The following AUTS2 variants were observed in gnomAD, a reference collection of about 807,000 sequenced individuals.
The protein encoded by AUTS2 is activator of transcription and developmental regulator AUTS2.
AUTS2 carries 17 observed loss-of-function variants against 112.4 expected under a neutral mutation model. The ratio of observed to expected loss-of-function variants is 0.15; its 90% confidence interval spans 0.10 to 0.23. The LOEUF (loss-of-function observed/expected upper bound fraction) is 0.23, where lower values mean the gene tolerates loss of function less well. Among genes scored for constraint, AUTS2 ranks in the 10% least tolerant of loss-of-function variants. AUTS2 has a pLI of 1.00. For missense variants in AUTS2, 1,510 were observed against 1,701.6 expected, an observed-to-expected ratio of 0.89 and a Z score of 1.98; for synonymous variants, 751 against 702.7, an observed-to-expected ratio of 1.07 and a Z score of -1.09.
chr7:70,589,046 C>A (rs368986778), intron 5 of AUTS2, among the ~76,000 whole-genome samples: 2 of 152,170 alleles, frequency 1.3e-5, no homozygotes, highest in Non-Finnish European at 2.9e-5. Flanking sequence ...TTGTTGGATA[C>A]CCCATGGTTT....
chr7:70,601,927 G>C (rs925514995), intron 5 of AUTS2, among the ~76,000 whole-genome samples: 5 of 152,144 alleles, frequency 3.3e-5, no homozygotes, highest in Admixed American at 6.5e-5. Flanking sequence ...TGAAGAGTGT[G>C]ATTTATTCTA....
At chr7:69,743,028 C>A (rs977038372) in intron 1 of AUTS2, among the ~76,000 whole-genome samples, 3 of 152,166 alleles carry the variant, frequency 2.0e-5, no homozygotes, top group Admixed American at 2.0e-4. Flanking sequence ...GTGGCTCTTG[C>A]TTGGAGGCAA....
intron 4 of AUTS2, among the ~76,000 whole-genome samples, chr7:70,203,724 TTTAA>T (rs1413766889): frequency 6.8e-6 from 1 of 146,950 alleles, no homozygotes; most frequent in Non-Finnish European, 1.5e-5. Flanking sequence ...CCTCACTAGT[TTTAA>T]TGATTGATAT....
intron 4 of AUTS2, among the ~76,000 whole-genome samples, chr7:70,251,937 T>A (rs1786622287): frequency 6.6e-6 from 1 of 152,168 alleles, no homozygotes; most frequent in Non-Finnish European, 1.5e-5. Flanking sequence ...TTGTTTTTTC[T>A]CTCTCGGATA....
chr7:69,657,003 C>CAGCCTTTCTGG (rs1795569827), intron 1 of AUTS2, among the ~76,000 whole-genome samples: 2 of 152,114 alleles, frequency 1.3e-5, no homozygotes, highest in South Asian at 4.1e-4. Flanking sequence ...ATGAGTCGTG[C>CAGCCTTTCTGG]AGCCTTTCTG....
intron 4 of AUTS2, among the ~76,000 whole-genome samples, chr7:70,381,746 T>G (rs1002068074): frequency 2.0e-5 from 3 of 152,148 alleles, no homozygotes; most frequent in Non-Finnish European, 4.4e-5. Context: ...AGCTTAAAGC[T>G]CCTTCTCCTT....
chr7:69,889,843 A>G (rs1447919691), intron 1 of AUTS2, among the ~76,000 whole-genome samples: 1 of 152,050 alleles, frequency 6.6e-6, no homozygotes, highest in African/African-American at 2.4e-5. Flanking sequence ...AGGCCTGAGA[A>G]TTGTGTGGTG....
chr7:70,457,709 A>G (rs933222836), intron 5 of AUTS2, among the ~76,000 whole-genome samples: 3 of 152,182 alleles, frequency 2.0e-5, no homozygotes, highest in African/African-American at 7.2e-5. Flanking sequence ...AGTCTGCTCA[A>G]TAGGGATGTG....
chr7:70,772,168 G>A (rs374668597), intron 11 of AUTS2, among the ~76,000 whole-genome samples: 105 of 152,210 alleles, frequency 6.9e-4, no homozygotes, highest in African/African-American at 2.0e-3. Flanking sequence ...TGGGGTGGTC[G>A]CCTCCCATTT....
At chr7:70,047,757 T>C (rs1380331277) in intron 2 of AUTS2, among the ~76,000 whole-genome samples, 2 of 152,086 alleles carry the variant, frequency 1.3e-5, no homozygotes, top group Non-Finnish European at 2.9e-5. Flanking sequence ...AAAGAGTGTG[T>C]GCTAGGTGAA....
intron 5 of AUTS2, among the ~76,000 whole-genome samples, chr7:70,660,628 G>A (rs565292137): frequency 5.3e-5 from 8 of 152,306 alleles, no homozygotes; most frequent in African/African-American, 1.2e-4. Context: ...AACCACCACC[G>A]TGGCAGAGCA....
intron 4 of AUTS2, among the ~76,000 whole-genome samples, chr7:70,159,801 G>T: frequency 6.6e-6 from 1 of 152,074 alleles, no homozygotes; most frequent in East Asian, 1.9e-4. Context: ...TCTTCATTAA[G>T]CATCACTAAT....
At chr7:70,640,421 G>GA (rs57911940) in intron 5 of AUTS2, among the ~76,000 whole-genome samples, 25,874 of 93,606 alleles carry the variant, frequency 0.28, 3,615 homozygotes, top group Middle Eastern at 0.32. Flanking sequence ...CTCACAGGGG[G>GA]AAAAAAAAAA....
chr7:69,984,172 C>G (rs922522375), intron 2 of AUTS2, among the ~76,000 whole-genome samples: 1 of 152,262 alleles, frequency 6.6e-6, no homozygotes, highest in Admixed American at 6.5e-5. Flanking sequence ...AATCCCAGCA[C>G]TTTGGGAGGC....
chr7:70,203,997 A>G (rs958926293), intron 4 of AUTS2, among the ~76,000 whole-genome samples: 2 of 150,424 alleles, frequency 1.3e-5, no homozygotes, highest in Non-Finnish European at 3.0e-5. Flanking sequence ...TATAAATGTT[A>G]GTTGTTTGAG....
chr7:69,890,109 G>A (rs1794454693), intron 1 of AUTS2, among the ~76,000 whole-genome samples: 1 of 152,066 alleles, frequency 6.6e-6, no homozygotes, highest in South Asian at 2.1e-4. Context: ...ATCCTTCAGG[G>A]CTGAGAGCCT....
chr7:70,170,052 G>A (rs1808587075), intron 4 of AUTS2, among the ~76,000 whole-genome samples: 1 of 151,236 alleles, frequency 6.6e-6, no homozygotes, highest in African/African-American at 2.4e-5. Context: ...AATCAGGAGA[G>A]GGGAGGGAAT....
intron 4 of AUTS2, among the ~76,000 whole-genome samples, chr7:70,264,233 G>C (rs1212065173): frequency 1.3e-5 from 2 of 152,094 alleles, no homozygotes; most frequent in African/African-American, 4.8e-5. Context: ...TTTTGAGATG[G>C]AGTCTTGTTC....
At chr7:70,102,644 T>C (rs1016584469) in intron 2 of AUTS2, among the ~76,000 whole-genome samples, 1 of 152,128 alleles carries the variant, frequency 6.6e-6, no homozygotes, top group African/African-American at 2.4e-5. Context: ...CTTTTCCTTC[T>C]AATAATCTTA....
Sources: gnomAD v4.1 joint callset for allele counts (sites outside exome capture counted in the v4.1 genomes callset) on GRCh38, gnomAD v4.1.1 for gene constraint, MANE v1.5 for transcripts, NCBI Gene and HGNC (gene_info 2026-07-23, HGNC 2026-07-21) for gene names.